Variants in FMN1 observed in about 807,000 individuals in gnomAD.
FMN1 encodes the protein formin 1, also known as formin-1.
FMN1 carries 110 observed loss-of-function variants against 132.4 expected under a neutral mutation model. The ratio of observed to expected loss-of-function variants is 0.83; its 90% CI spans 0.71 to 0.97. The LOEUF (loss-of-function observed/expected upper bound fraction) is 0.97, where lower values mean the gene tolerates loss of function less well. Among genes scored for constraint, FMN1 ranks in the 50% least tolerant of loss-of-function variants. The probability of loss-of-function intolerance (pLI) is 0.00; values close to 1 mark genes in which losing one functional copy is unlikely to be tolerated. For missense variants in FMN1, 1,792 were observed against 1,705.3 expected, an observed-to-expected ratio of 1.05 and a Z score of -0.90; for synonymous variants, 722 against 651.7, an observed-to-expected ratio of 1.11 and a Z score of -1.64.
intron 15 of FMN1, among the ~76,000 whole-genome samples, chr15:32,896,342 T>C (rs1326228439): frequency 6.6e-6 from 1 of 152,052 alleles, no homozygotes; most frequent in Admixed American, 6.6e-5. Flanking sequence ...TATTTAAAAT[T>C]ATTTTGTAAA....
intron 16 of FMN1, among the ~76,000 whole-genome samples, chr15:32,884,068 GTC>G (rs1464876456): frequency 1.3e-5 from 2 of 151,104 alleles, no homozygotes; most frequent in African/African-American, 4.9e-5. Flanking sequence ...GTGTGTGTCT[GTC>G]TCTGGTATTA....
chr15:33,154,895 G>A lies in FMN1; in HGVS notation c.20C>T (p.Thr7Ile). The A allele has an allele frequency of 6.5e-7, 1 of 1,534,042 alleles. No homozygotes were observed. The highest frequency in any genetic ancestry group is 1.4e-5 in the African/African-American group (1 of 72,992). The change falls in exon 4 of 21, where the codon ACC (threonine) becomes ATC (isoleucine). Residue 7 changes from threonine to isoleucine, a missense_variant. Coordinates refer to ENST00000616417, the MANE Select transcript of FMN1 (RefSeq NM_001277313.2). Reference protein sequence around the residue: MEGTHCTLQLHKPITEL... With the variant: MEGTHCILQLHKPITEL... ...CGTAATGGGCTTATGCAATTGGAGG[G>A]TACAATGAGTGCCTTCCATTATGCC...
rs765198574 is a variant in FMN1 at position 32,848,946 on chromosome 15, C to A, written c.3928+8069G>T. Among the ~76,000 whole-genome samples the A allele has an allele frequency of 2.1e-5, 3 of 145,650 alleles. No individual in the cohort carries two copies. The East Asian group carries it at 6.1e-4, about 29-fold the overall frequency. ...GTATGGGTGTTATGGTGAGGACCAG[C>A]TGAATATCAGTCTTGGGTTAGTTCT... On this transcript the variant is annotated intron_variant, in intron 17 of 20. Coordinates refer to ENST00000616417, the MANE Select transcript of FMN1 (RefSeq NM_001277313.2).
chr15:32,844,703 G>A (rs1017208032), intron 17 of FMN1, among the ~76,000 whole-genome samples: 14 of 152,152 alleles, frequency 9.2e-5, no homozygotes, highest in Admixed American at 7.9e-4. Context: ...CTAAAATTAT[G>A]GCCGTCCTCT....
chr15:32,889,551 G>T (rs898479420), intron 15 of FMN1, among the ~76,000 whole-genome samples: 1 of 152,088 alleles, frequency 6.6e-6, no homozygotes, highest in African/African-American at 2.4e-5. Flanking sequence ...AGACCTTCAT[G>T]AAATAACAGA....
At chr15:32,898,231 G>A (rs2060206476) in intron 15 of FMN1, among the ~76,000 whole-genome samples, 1 of 152,122 alleles carries the variant, frequency 6.6e-6, no homozygotes, top group African/African-American at 2.4e-5. Context: ...TATTCATATC[G>A]ATTGCTATAT....
At chr15:33,039,415 TATG>T (rs1383132276) in intron 6 of FMN1, among the ~76,000 whole-genome samples, 1 of 152,156 alleles carries the variant, frequency 6.6e-6, no homozygotes, top group African/African-American at 2.4e-5. Context: ...GTGTAGCAAA[TATG>T]ATAATTACTT....
intron 9 of FMN1, among the ~76,000 whole-genome samples, chr15:32,955,685 C>A (rs780199916): frequency 1.3e-5 from 2 of 152,136 alleles, no homozygotes; most frequent in Non-Finnish European, 2.9e-5. Flanking sequence ...TAGAATGGTT[C>A]TCTCATAGCA....
chr15:32,969,388 G>A lies in FMN1; in HGVS notation c.2313C>T (p.His771=), dbSNP rs201323676. The change falls in exon 8 of 21, where the codon CAC becomes CAT. Residue 771 remains histidine (H), a synonymous_variant. Coordinates refer to ENST00000616417, the MANE Select transcript of FMN1 (RefSeq NM_001277313.2). ...RLEETIENLK[H]ELEHRWRGGC... is the part of the protein sequence containing the mutation. ...CCCCTCGCCATCTGTGTTCTAGCTC[G>A]TGTTTCAGATTTTCAATGGTTTCTT... 18 of 1,613,912 alleles carry A rather than the reference G, an allele frequency of 1.1e-5. No individual in the cohort carries two copies. Among genetic ancestry groups the A allele is most frequent in the African/African-American group, 2.7e-5 (2 of 74,996 alleles).
intron 17 of FMN1, among the ~76,000 whole-genome samples, chr15:32,806,975 A>G (rs1250777424): frequency 6.6e-6 from 1 of 152,148 alleles, no homozygotes; most frequent in Non-Finnish European, 1.5e-5. Flanking sequence ...TTATCATGCA[A>G]CAACTGAATG....
chr15:32,797,785 A>C lies in FMN1; in HGVS notation c.4130+1019T>G, dbSNP rs114764433. Among the ~76,000 whole-genome samples the C allele has an allele frequency of 8.9e-3, 1,362 of 152,188 alleles. 20 individuals carry two copies. The highest frequency in any genetic ancestry group is 0.031 in the African/African-American group (1,294 of 41,534). ...ACTAATACTAGGTCAAAAATCTCAC[A>C]ATTTTGCTCCTCTTACTAGTGTTTT... On this transcript the variant is annotated intron_variant, in intron 19 of 20. Transcript: ENST00000616417.
chr15:32,979,761 A>C (rs376931077), intron 7 of FMN1, among the ~76,000 whole-genome samples: 13 of 152,150 alleles, frequency 8.5e-5, no homozygotes, highest in African/African-American at 3.1e-4. Context: ...CCTACCATCA[A>C]ATGCATTTGA....
chr15:33,115,498 C>G (rs79776707), intron 4 of FMN1, among the ~76,000 whole-genome samples: 2 of 144,466 alleles, frequency 1.4e-5, no homozygotes, highest in Non-Finnish European at 3.1e-5. Context: ...TAAGCCCCCC[C>G]CCCCCACACA....
intron 16 of FMN1, among the ~76,000 whole-genome samples, chr15:32,886,969 T>G (rs1309537637): frequency 6.6e-6 from 1 of 152,206 alleles, no homozygotes; most frequent in Admixed American, 6.5e-5. Context: ...CATCCATTTG[T>G]TTGAATTCAT....
At chr15:32,840,270 C>G (rs1363761650) in intron 17 of FMN1, among the ~76,000 whole-genome samples, 1 of 152,148 alleles carries the variant, frequency 6.6e-6, no homozygotes, top group Non-Finnish European at 1.5e-5. Flanking sequence ...GCAGAGAAAG[C>G]TGGAGGAAGA....
chr15:32,908,483 T>A lies in FMN1; in HGVS notation c.3377+7A>T. On this transcript the variant is annotated splice_region_variant and intron_variant, in intron 12 of 20. Transcript: ENST00000616417. ...TGGCCTAACAGAAAAATGTTAAGTA[T>A]CCTTACTGCTCAGGTTTATCCAGCA... is the stretch of plus-strand genomic sequence containing the variant. The A allele has an allele frequency of 2.5e-6, 4 of 1,590,726 alleles. No individual in the cohort carries two copies. The highest frequency in any genetic ancestry group is 2.6e-6 in the Non-Finnish European group (3 of 1,159,788).
At chr15:33,138,235 C>T (rs765960770) in intron 4 of FMN1, among the ~76,000 whole-genome samples, 6 of 152,186 alleles carry the variant, frequency 3.9e-5, no homozygotes, top group African/African-American at 7.2e-5. Flanking sequence ...GGAACACTAT[C>T]ATTGACTGCC....
rs114163233 is a variant in FMN1 at position 32,921,477 on chromosome 15, A to C, written c.3226+4697T>G. On this transcript the variant is annotated intron_variant, in intron 10 of 20. Transcript: ENST00000616417. ...CAGTCTTCCATGAACAGTGTGATAG[A>C]TATTGCTGCATTCAAAATCAGATCA... Among the ~76,000 whole-genome samples the C allele has an allele frequency of 6.8e-3, 1,040 of 152,188 alleles. 19 individuals are homozygous for C. Among genetic ancestry groups the C allele is most frequent in the African/African-American group, 0.024 (992 of 41,532 alleles).
At chr15:32,904,405 A>G (rs1466661063) in intron 12 of FMN1, among the ~76,000 whole-genome samples, 4 of 152,236 alleles carry the variant, frequency 2.6e-5, no homozygotes, top group African/African-American at 9.7e-5. Context: ...GAAGGGTTCT[A>G]AACAGGAAGG....
Sources: allele counts gnomAD v4.1 joint callset (sites outside exome capture counted in the v4.1 genomes callset), GRCh38; gene constraint gnomAD v4.1.1; transcripts MANE v1.5; gene names NCBI Gene and HGNC (gene_info 2026-07-23, HGNC 2026-07-21).